The following NREP variants were observed in gnomAD, a reference collection of about 807,000 sequenced individuals.
NREP encodes neuronal regeneration-related protein.
A neutral mutation model predicts 8.6 loss-of-function variants in NREP; 5 were observed. The ratio of observed to expected loss-of-function variants is 0.58; its 90% confidence interval spans 0.30 to 1.22. The LOEUF (loss-of-function observed/expected upper bound fraction) is 1.22, where lower values mean the gene tolerates loss of function less well. Ranked by LOEUF, NREP falls within the 50% of genes most tolerant of loss-of-function variation. NREP has a pLI of 0.07. For synonymous variants in NREP, 27 were observed against 28.0 expected (o/e 0.96, Z 0.11); for missense variants, 86 against 82.5 (o/e 1.04, Z -0.17).
chr5:111,951,987 C>T (rs1333111112), intron 2 of NREP, among the ~76,000 whole-genome samples: 10 of 152,044 alleles, frequency 6.6e-5, no homozygotes, highest in Non-Finnish European at 7.4e-5. Flanking sequence ...ACCCTATATC[C>T]TATTCTCTTT....
chr5:111,915,569 T>C (rs1391136120), intron 2 of NREP, among the ~76,000 whole-genome samples: 1 of 152,034 alleles, frequency 6.6e-6, no homozygotes, highest in African/African-American at 2.4e-5. Context: ...TCCCCTCTTC[T>C]CTTCTGCTAG....
At chr5:111,734,637 T>G in intron 3 of NREP, 2 of 621,852 alleles carry the variant, frequency 3.2e-6, no homozygotes, top group Non-Finnish European at 5.8e-6. Context: ...TCTTAAACAT[T>G]GAAATACCAG....
At chr5:111,887,295 A>G (rs1408783465) in intron 2 of NREP, among the ~76,000 whole-genome samples, 3 of 152,316 alleles carry the variant, frequency 2.0e-5, no homozygotes, top group East Asian at 1.9e-4. Flanking sequence ...ATGTGGCAGG[A>G]TGACATGTAT....
intron 2 of NREP, among the ~76,000 whole-genome samples, chr5:111,774,830 G>T (rs577036181): frequency 2.0e-5 from 3 of 152,334 alleles, no homozygotes; most frequent in African/African-American, 7.2e-5. Flanking sequence ...CAGAGGACCA[G>T]TATGGTGACC....
intron 2 of NREP, among the ~76,000 whole-genome samples, chr5:111,837,210 C>G (rs1317079688): frequency 6.6e-6 from 1 of 151,998 alleles, no homozygotes; most frequent in East Asian, 1.9e-4. Context: ...TTCCTACAAT[C>G]AAGAACCAGA....
chr5:111,932,325 C>A (rs1355862771), intron 2 of NREP, among the ~76,000 whole-genome samples: 1 of 151,940 alleles, frequency 6.6e-6, no homozygotes, highest in East Asian at 1.9e-4. Context: ...TCACAATATA[C>A]ACTGAATGGA....
intron 2 of NREP, among the ~76,000 whole-genome samples, chr5:111,851,918 A>G (rs1041422350): frequency 2.1e-4 from 32 of 152,204 alleles, no homozygotes; most frequent in African/African-American, 6.5e-4. Flanking sequence ...AAATGTTTTA[A>G]AAAGAGACAA....
At chr5:111,902,374 C>G (rs1233423407) in intron 2 of NREP, among the ~76,000 whole-genome samples, 3 of 152,040 alleles carry the variant, frequency 2.0e-5, no homozygotes, top group African/African-American at 7.2e-5. Context: ...AATAGTTGAG[C>G]CCAGATCAGC....
At chr5:111,739,571 C>G (rs1340786966) in intron 2 of NREP, 1 of 151,414 alleles carries the variant, frequency 6.6e-6, no homozygotes, top group Non-Finnish European at 1.5e-5. Flanking sequence ...TCTGTGCTTG[C>G]TGAACTGTAA....
intron 2 of NREP, among the ~76,000 whole-genome samples, chr5:111,811,144 T>C (rs1052199518): frequency 5.9e-5 from 9 of 152,156 alleles, no homozygotes; most frequent in African/African-American, 2.2e-4. Flanking sequence ...ATCACTTCTG[T>C]CTTATGCCTA....
chr5:111,842,635 TAG>T (rs1312768466), intron 2 of NREP, among the ~76,000 whole-genome samples: 1 of 152,198 alleles, frequency 6.6e-6, no homozygotes, highest in Non-Finnish European at 1.5e-5. Flanking sequence ...ATTACAATAT[TAG>T]AGTGTTTTAA....
intron 2 of NREP, among the ~76,000 whole-genome samples, chr5:111,786,221 C>T (rs557637535): frequency 1.3e-5 from 2 of 152,314 alleles, no homozygotes; most frequent in South Asian, 4.1e-4. Context: ...CACTTTGTGC[C>T]TCACTCATCT....
chr5:111,866,992 T>G, intron 2 of NREP, among the ~76,000 whole-genome samples: 1 of 150,774 alleles, frequency 6.6e-6, no homozygotes. Flanking sequence ...CCGGGGCCTG[T>G]TGTGGGGTGG....
intron 2 of NREP, among the ~76,000 whole-genome samples, chr5:111,865,912 C>T (rs914094671): frequency 1.3e-5 from 2 of 152,122 alleles, no homozygotes; most frequent in African/African-American, 4.8e-5. Context: ...ATATGTGACA[C>T]AGGTCTAGAT....
At chr5:111,943,885 C>T (rs867804300) in intron 2 of NREP, among the ~76,000 whole-genome samples, 3 of 152,198 alleles carry the variant, frequency 2.0e-5, no homozygotes, top group South Asian at 2.1e-4. Flanking sequence ...CAGCAACTTA[C>T]GTTTTTTGCA....
intron 2 of NREP, among the ~76,000 whole-genome samples, chr5:111,838,900 C>T (rs1215879043): frequency 1.3e-5 from 2 of 151,832 alleles, no homozygotes. Flanking sequence ...TTGGAGACAA[C>T]TGGAAAATTT....
At chr5:111,802,905 G>T (rs10072981) in intron 2 of NREP, among the ~76,000 whole-genome samples, 112,981 of 151,950 alleles carry the variant, frequency 0.74, 42,487 homozygotes, top group East Asian at 0.95. Context: ...ATGGCCCAAA[G>T]AAAGAAGCTG....
chr5:111,909,680 T>C (rs146882021), intron 2 of NREP, among the ~76,000 whole-genome samples: 40 of 152,192 alleles, frequency 2.6e-4, no homozygotes, highest in African/African-American at 8.9e-4. Context: ...TGAATTTCCA[T>C]TTATCCTTTC....
chr5:111,925,095 CAG>C (rs955478148), intron 2 of NREP, among the ~76,000 whole-genome samples: 6 of 152,088 alleles, frequency 3.9e-5, no homozygotes, highest in Non-Finnish European at 7.4e-5. Flanking sequence ...TGGAAAAGAA[CAG>C]AGAGACCAGC....
Sources: allele counts gnomAD v4.1 joint callset (sites outside exome capture counted in the v4.1 genomes callset), GRCh38; gene constraint gnomAD v4.1.1; transcripts MANE v1.5; gene names NCBI Gene and HGNC (gene_info 2026-07-23, HGNC 2026-07-21).